FAM120B: variants seen among roughly 807,000 people sequenced by gnomAD.
FAM120B encodes family with sequence similarity 120 member B.
FAM120B carries 83 observed loss-of-function variants against 96.3 expected under a neutral mutation model. The observed-to-expected ratio is 0.86, with a 90% CI of 0.72 to 1.03. FAM120B has a LOEUF of 1.03. FAM120B is among the 50% of genes least tolerant of loss of function. The pLI is 0.00. For missense variants in FAM120B, 1,027 were observed against 1,121.2 expected (o/e 0.92, Z 1.20); for synonymous variants, 407 against 402.7 (o/e 1.01, Z -0.13).
chr6:170,290,712 C>T, upstream of FAM120B: 2 of 341,952 alleles, frequency 5.8e-6, no homozygotes, highest in Non-Finnish European at 1.1e-5. The surrounding 1 kb of genome is among the most constrained non-coding windows in gnomAD (Gnocchi z 4.7). Flanking sequence ...TGTCACTCGG[C>T]GGCGGCGGTC....
intron 7 of FAM120B, among the ~76,000 whole-genome samples, chr6:170,389,565 C>T (rs1790373820): frequency 2.0e-5 from 3 of 148,520 alleles, no homozygotes; most frequent in Non-Finnish European, 1.5e-5. Context: ...AATACACATA[C>T]TTTTTTTTTT....
intron 1 of FAM120B, among the ~76,000 whole-genome samples, chr6:170,309,529 T>A: frequency 6.6e-6 from 1 of 152,230 alleles, no homozygotes; most frequent in East Asian, 1.9e-4. Flanking sequence ...ACATTTAATA[T>A]AAGATGGACC....
chr6:170,301,948 A>G (rs1054116451), upstream of FAM120B, among the ~76,000 whole-genome samples: 7 of 152,056 alleles, frequency 4.6e-5, no homozygotes, highest in Non-Finnish European at 1.0e-4. Context: ...ACATTTTCCT[A>G]TCTTCTACTG....
At chr6:170,360,585 CAGCAGCACT>C (rs1788288688) in intron 6 of FAM120B, among the ~76,000 whole-genome samples, 1 of 152,210 alleles carries the variant, frequency 6.6e-6, no homozygotes, top group African/African-American at 2.4e-5. Context: ...GCCATCCACT[CAGCAGCACT>C]GGCGTATACA....
chr6:170,387,770 TACA>T (rs1394392757), intron 6 of FAM120B, among the ~76,000 whole-genome samples: 1 of 152,240 alleles, frequency 6.6e-6, no homozygotes, highest in Non-Finnish European at 1.5e-5. Flanking sequence ...TACTCATAAT[TACA>T]ACAATTATGA....
intron 9 of FAM120B, 27 bp downstream of exon 9, chr6:170,395,606 G>A: frequency 2.6e-6 from 4 of 1,520,952 alleles, no homozygotes; most frequent in Non-Finnish European, 2.7e-6. Flanking sequence ...TCACTCTGCT[G>A]GGCCACCTGC....
chr6:170,318,949 A>ACTC lies in FAM120B; in HGVS notation c.1561_1563dup (p.Ser521dup). On this transcript the variant is annotated inframe_insertion, in exon 2 of 11. Transcript: ENST00000476287. ...ACAGATCCTATATCCAAGCAAGAAG[A>ACTC]CTCCATGTGTACACACGCTGAAATC... The ACTC allele has an allele frequency of 6.2e-7, 1 of 1,614,150 alleles. No homozygotes were observed. The highest frequency in any genetic ancestry group is 8.5e-7 in the Non-Finnish European group (1 of 1,180,014).
At chr6:170,315,769 G>T (rs1277048791) in intron 1 of FAM120B, among the ~76,000 whole-genome samples, 1 of 152,054 alleles carries the variant, frequency 6.6e-6, no homozygotes, top group Non-Finnish European at 1.5e-5. Flanking sequence ...TCTACTGTTA[G>T]GGGCTAGAGC....
At chr6:170,341,771 C>T (rs772012011) in intron 4 of FAM120B, among the ~76,000 whole-genome samples, 2 of 152,196 alleles carry the variant, frequency 1.3e-5, no homozygotes, top group Non-Finnish European at 2.9e-5. Context: ...GGTGAGGCAA[C>T]ACCCCACCCT....
intron 1 of FAM120B, among the ~76,000 whole-genome samples, chr6:170,317,023 CTGTT>C (rs1411966631): frequency 3.9e-5 from 6 of 152,204 alleles, no homozygotes; most frequent in African/African-American, 7.2e-5. Context: ...ACAATAACTT[CTGTT>C]TGAGTTCCTA....
intron 1 of FAM120B, among the ~76,000 whole-genome samples, chr6:170,315,639 G>T (rs1486616094): frequency 1.3e-5 from 2 of 151,608 alleles, no homozygotes; most frequent in Non-Finnish European, 2.9e-5. Context: ...TTATGAGCAA[G>T]CCTTCTCTAA....
At chr6:170,362,193 A>T (rs572925173) in intron 6 of FAM120B, among the ~76,000 whole-genome samples, 1 of 152,312 alleles carries the variant, frequency 6.6e-6, no homozygotes, top group East Asian at 1.9e-4. Flanking sequence ...AACAACTTGA[A>T]GGGGGGAGGT....
intron 9 of FAM120B, among the ~76,000 whole-genome samples, chr6:170,399,164 G>C (rs1312207242): frequency 8.1e-4 from 120 of 147,276 alleles, no homozygotes; most frequent in African/African-American, 2.9e-3. Flanking sequence ...TAACTTAGGA[G>C]TGAGTGGGGA....
chr6:170,381,996 A>G (rs1353626080), intron 6 of FAM120B, among the ~76,000 whole-genome samples: 1 of 152,198 alleles, frequency 6.6e-6, no homozygotes, highest in African/African-American at 2.4e-5. Context: ...ATAGTGCTGG[A>G]AGTTCTGTCT....
At chr6:170,383,749 A>G (rs1490039130) in intron 6 of FAM120B, among the ~76,000 whole-genome samples, 1 of 152,176 alleles carries the variant, frequency 6.6e-6, no homozygotes, top group Non-Finnish European at 1.5e-5. Flanking sequence ...AAAAACTAAT[A>G]ATGCACTTAC....
Position 170,363,300 on chromosome 6 carries a change from A to T in FAM120B, c.2283+4982A>T, listed in dbSNP as rs537564707. On this transcript the variant is annotated intron_variant, in intron 6 of 10. Coordinates refer to ENST00000476287, the MANE Select transcript of FAM120B (RefSeq NM_032448.3). The surrounding 1 kb of genome is among the most constrained non-coding windows in gnomAD (Gnocchi z 4.5). ...TTGGTTGGAAAATTAAAAGGAAAAG[A>T]TGTGAGTTGATGAAAGATAAAATTT... Among the ~76,000 whole-genome samples, 1 of 152,184 alleles carries T rather than the reference A, an allele frequency of 6.6e-6. No individual in the cohort carries two copies. The highest frequency in any genetic ancestry group is 2.4e-5 in the African/African-American group (1 of 41,444).
At chr6:170,386,382 G>A (rs1430077883) in intron 6 of FAM120B, among the ~76,000 whole-genome samples, 15 of 152,078 alleles carry the variant, frequency 9.9e-5, no homozygotes, top group Admixed American at 9.2e-4. Flanking sequence ...CCAGTATACA[G>A]CATGAAAAAG....
rs1785024717 is a variant in FAM120B, at chr6:170,318,143, C to T, written c.753C>T (p.Thr251=). 6 of 1,614,194 alleles carry T rather than the reference C, an allele frequency of 3.7e-6. No homozygotes were observed. The highest frequency in any genetic ancestry group is 3.4e-6 in the Non-Finnish European group (4 of 1,180,034). Reference sequence around the variant, plus strand: ...GGTACAAATGCTTATCGTCCTACACCTCTGTAAAAGAGAACTTTGACAAAA... The same window carrying T: ...GGTACAAATGCTTATCGTCCTACACTTCTGTAAAAGAGAACTTTGACAAAA... The part of the protein sequence containing the change: ...SFRYKCLSSY[T]SVKENFDKKG... Residue 251 remains threonine (T), a synonymous_variant, in exon 2 of 11, where the codon ACC becomes ACT. Transcript: ENST00000476287.
chr6:170,318,407 A>G lies in FAM120B; in HGVS notation c.1017A>G (p.Glu339=), dbSNP rs763661682. 6.2e-7 allele frequency: 1 copy of G among 1,614,114 alleles called. No homozygotes were observed. Among genetic ancestry groups the G allele is most frequent in the Non-Finnish European group, 8.5e-7 (1 of 1,180,032 alleles). Residue 339 remains glutamate (E), a synonymous_variant, in exon 2 of 11, where the codon GAA becomes GAG. Coordinates refer to ENST00000476287, the MANE Select transcript of FAM120B (RefSeq NM_032448.3). ...ISTSSDAESR[E]EVPMCSDAES... ...CGAGTTCAGACGCCGAATCCAGGGA[A>G]GAAGTTCCCATGTGTTCAGATGCTG...
Sources: allele counts gnomAD v4.1 joint callset (sites outside exome capture counted in the v4.1 genomes callset), GRCh38; gene constraint gnomAD v4.1.1; non-coding constraint Gnocchi (gnomAD v3.1); transcripts MANE v1.5; gene names NCBI Gene and HGNC (gene_info 2026-07-23, HGNC 2026-07-21).